MROH2A: variants seen among roughly 807,000 people sequenced by gnomAD.
MROH2A encodes maestro heat-like repeat-containing protein family member 2A.
MROH2A carries 174 observed loss-of-function variants against 200.4 expected under a neutral mutation model. The ratio of observed to expected loss-of-function variants is 0.87; its 90% CI spans 0.77 to 0.98. The LOEUF is 0.98. Ranked by LOEUF, MROH2A falls within the 50% of genes least tolerant of loss-of-function variation. The pLI is 0.00. For synonymous variants in MROH2A, 829 were observed against 840.4 expected (o/e 0.99, Z 0.23); for missense variants, 2,045 against 2,139.6 (o/e 0.96, Z 0.87).
At chr2:233,801,875 G>A (rs1702496698) in intron 14 of MROH2A, among the ~76,000 whole-genome samples, 1 of 152,220 alleles carries the variant, frequency 6.6e-6, no homozygotes, top group South Asian at 2.1e-4. Context: ...TGGATGAGAA[G>A]GGTTTGATGA....
Position 233,807,349 on chromosome 2 carries a change from ACT to A in MROH2A, c.2053-69_2053-68del. ...AAATAAATTGAAAAATACGTAGAAA[ACT>A]CTCTACAACAGCACCCCCTGAAGGC... On this transcript the variant is annotated intron_variant, in intron 19 of 41. Coordinates refer to ENST00000389758, the MANE Select transcript of MROH2A (RefSeq NM_001394639.1). This position sits in a 1 kb window ranked among gnomAD's most constrained non-coding sequence, Gnocchi z 4.3. The A allele has an allele frequency of 7.1e-7, 1 of 1,413,182 alleles. No homozygotes were observed. The highest frequency in any genetic ancestry group is 1.4e-5 in the South Asian group (1 of 70,836). 87.5% of individuals were successfully genotyped at this position (1,413,182 alleles called of 1,614,324 possible). A position where few individuals can be genotyped will look rare whatever the true frequency, so the allele number is the denominator to read the frequency against.
rs949669172 is a variant in MROH2A, at chr2:233,796,804, A to T, written c.1252+491A>T. On this transcript the variant is annotated intron_variant, in intron 11 of 41. Coordinates refer to ENST00000389758, the MANE Select transcript of MROH2A (RefSeq NM_001394639.1). The stretch of plus-strand genomic sequence containing the variant: ...TGACAGCATGCAGCCCTACAGGTAC[A>T]TAATGGTTAGAAGAGCATGGGCAGC... Among the ~76,000 whole-genome samples, 5 of 152,236 alleles carry T rather than the reference A, an allele frequency of 3.3e-5. No homozygotes were observed. In the South Asian group the frequency reaches 8.3e-4, roughly 25 times the overall value.
chr2:233,813,436 G>A lies in MROH2A; in HGVS notation c.2652-234G>A, dbSNP rs1331105286. The stretch of plus-strand genomic sequence containing the variant: ...GTTCAGAGTAGACAACAGCAGATAG[G>A]AGAGATGGCCTTGGACCCCTGCATC... On this transcript the variant is annotated intron_variant, in intron 24 of 41. Coordinates refer to ENST00000389758, the MANE Select transcript of MROH2A (RefSeq NM_001394639.1). 2.0e-5 allele frequency among the ~76,000 whole-genome samples: 3 copies of A among 152,210 alleles called. No homozygotes were observed. The East Asian group carries it at 5.8e-4, about 29-fold the overall frequency.
Position 233,811,925 on chromosome 2 carries a change from C to T in MROH2A, c.2617C>T (p.Arg873Ter), listed in dbSNP as rs368947612. Residue 873 changes from arginine (R) to a stop codon, truncating the protein, a stop_gained, in exon 24 of 42, where the codon CGA becomes TGA. Coordinates refer to ENST00000389758, the MANE Select transcript of MROH2A (RefSeq NM_001394639.1). LOFTEE classifies it high-confidence loss of function. Reference sequence around the variant, plus strand: ...GACTGACAACCTGGTTTCTCCAGTGCGAGCCTTGGCGATGGAGGCCCTCTC... The same window carrying T: ...GACTGACAACCTGGTTTCTCCAGTGTGAGCCTTGGCGATGGAGGCCCTCTC... Reference protein sequence around the residue: ...EPTDNLVSPVRALAMEALSHL... With the variant: ...EPTDNLVSPV The T allele has an allele frequency of 6.3e-4, 971 of 1,550,218 alleles. 1 individual carries two copies. Among genetic ancestry groups the T allele is most frequent in the Middle Eastern group, 1.3e-3 (8 of 5,992 alleles).
chr2:233,809,419 T>C, intron 22 of MROH2A, 141 bp downstream of exon 22: 1 of 922,862 alleles, frequency 1.1e-6, no homozygotes, highest in Admixed American at 2.4e-5. Flanking sequence ...GGGAAGCCCA[T>C]TGCCCAAATG....
intron 10 of MROH2A, 26 bp from the exon 11 acceptor site, chr2:233,796,174 A>G: frequency 6.5e-7 from 1 of 1,536,890 alleles, no homozygotes. Context: ...GGTGAGCATG[A>G]CTAAAGCTGT....
At chr2:233,823,703 G>C (rs962253760) in intron 35 of MROH2A, 39 bp downstream of exon 35, 4 of 1,542,362 alleles carry the variant, frequency 2.6e-6, no homozygotes, top group Non-Finnish European at 2.6e-6. Context: ...GGTGCAAGCG[G>C]AGGGGATGGG....
At chr2:233,827,972 A>G (rs1704429387) in intron 35 of MROH2A, among the ~76,000 whole-genome samples, 1 of 152,154 alleles carries the variant, frequency 6.6e-6, no homozygotes, top group South Asian at 2.1e-4. Flanking sequence ...TGCTGTAGGA[A>G]GCTCCTGTGA....
chr2:233,807,277 T>C lies in MROH2A; in HGVS notation c.2053-146T>C, dbSNP rs1702859222. 1.1e-5 allele frequency: 10 copies of C among 896,724 alleles called. No individual in the cohort carries two copies. Among genetic ancestry groups the C allele is most frequent in the Non-Finnish European group, 1.6e-5 (10 of 618,290 alleles). The allele number at this position is 896,724 out of a possible 1,614,324, so 55.5% of individuals were successfully genotyped here. On this transcript the variant is annotated intron_variant, in intron 19 of 41. Transcript: ENST00000389758. This position sits in a 1 kb window ranked among gnomAD's most constrained non-coding sequence, Gnocchi z 4.3. ...GGCTGCTTCCACATTTTTGCACTTG[T>C]GAATTGTGCTGCTGTAAACGTGTGT...
At chr2:233,832,321 G>A (rs1704818617) in intron 40 of MROH2A, 42 bp downstream of exon 40, 22 of 1,518,106 alleles carry the variant, frequency 1.4e-5, no homozygotes, top group Non-Finnish European at 2.0e-5. Flanking sequence ...AGACTTTGAA[G>A]GCCCTCTAGT....
Position 233,828,409 on chromosome 2 carries a change from A to G in MROH2A, c.4114-221A>G, listed in dbSNP as rs1704465316. On this transcript the variant is annotated intron_variant, in intron 35 of 41. Coordinates refer to ENST00000389758, the MANE Select transcript of MROH2A (RefSeq NM_001394639.1). This position sits in a 1 kb window ranked among gnomAD's most constrained non-coding sequence, Gnocchi z 4.6. ...GAATTTATATATATACGTAACACTT[A>G]TCTAGCATTCCCCCCATATTTCCTT... is the stretch of plus-strand genomic sequence containing the variant. 3 of 545,004 alleles carry G rather than the reference A, an allele frequency of 5.5e-6. No individual in the cohort carries two copies. The East Asian group carries it at 8.8e-5, about 16-fold the overall frequency. The allele number at this position is 545,004 out of a possible 1,614,324, so 33.8% of individuals were successfully genotyped here. A position where few individuals can be genotyped will look rare whatever the true frequency, so the allele number is the denominator to read the frequency against.
At position 233,794,513 on chromosome 2, in the gene MROH2A, G is replaced by C; in HGVS notation, c.966+7G>C. 1 of 1,465,132 alleles carries C rather than the reference G, an allele frequency of 6.8e-7. No individual in the cohort carries two copies. Among genetic ancestry groups the C allele is most frequent in the Non-Finnish European group, 9.4e-7 (1 of 1,069,202 alleles). 90.8% of individuals were successfully genotyped at this position (1,465,132 alleles called of 1,614,324 possible). On this transcript the variant is annotated splice_region_variant and intron_variant, in intron 8 of 41. Transcript: ENST00000389758. ...GGTGCTCTTCGTCACGCAGGCGAGTGGCCAGGCAGCCACGGCTCTGGGCAG... is the reference window on the plus strand; with the variant it reads ...GGTGCTCTTCGTCACGCAGGCGAGTCGCCAGGCAGCCACGGCTCTGGGCAG...
chr2:233,803,903 C>A, intron 16 of MROH2A, 148 bp from the exon 17 acceptor site: 1 of 1,056,868 alleles, frequency 9.5e-7, no homozygotes, highest in Non-Finnish European at 1.3e-6. Context: ...CCTGTAGTGT[C>A]CTCTGCAGGT....
chr2:233,797,263 A>G (rs1469109408), intron 11 of MROH2A, among the ~76,000 whole-genome samples: 4 of 152,224 alleles, frequency 2.6e-5, no homozygotes, highest in South Asian at 2.1e-4. Flanking sequence ...TGGGTGCTCA[A>G]TTGGATACGG....
chr2:233,791,990 G>C (rs992796971), intron 5 of MROH2A, among the ~76,000 whole-genome samples: 1 of 152,054 alleles, frequency 6.6e-6, no homozygotes, highest in Non-Finnish European at 1.5e-5. Context: ...GGCCTGTTAC[G>C]GCTCCCTTCC....
At chr2:233,796,837 C>T (rs1001905551) in intron 11 of MROH2A, among the ~76,000 whole-genome samples, 1 of 152,238 alleles carries the variant, frequency 6.6e-6, no homozygotes, top group African/African-American at 2.4e-5. Flanking sequence ...AGCTCCCGCT[C>T]AGCCCTAAAG....
At chr2:233,813,595 C>T in intron 24 of MROH2A, 75 bp from the exon 25 acceptor site, 1 of 873,972 alleles carries the variant, frequency 1.1e-6, no homozygotes, top group Non-Finnish European at 1.8e-6. Flanking sequence ...GTTTCCGTGC[C>T]CAGATTGGGC....
intron 19 of MROH2A, among the ~76,000 whole-genome samples, chr2:233,806,595 T>C (rs1289947273): frequency 1.3e-5 from 2 of 152,152 alleles, no homozygotes; most frequent in Non-Finnish European, 2.9e-5. Context: ...AGTGAGAATG[T>C]TCCACTTCTC....
chr2:233,776,207 C>T (rs1033039302), upstream of MROH2A, among the ~76,000 whole-genome samples: 13 of 152,036 alleles, frequency 8.6e-5, no homozygotes, highest in African/African-American at 2.9e-4. Flanking sequence ...CAGGATGCTA[C>T]GAATAAAGCG....
Sources: allele counts gnomAD v4.1 joint callset (sites outside exome capture counted in the v4.1 genomes callset), GRCh38; gene constraint gnomAD v4.1.1; non-coding constraint Gnocchi (gnomAD v3.1); transcripts MANE v1.5; gene names NCBI Gene and HGNC (gene_info 2026-07-23, HGNC 2026-07-21).